Variants in MYO5A observed in about 807,000 individuals in gnomAD.
MYO5A encodes the protein myosin VA, also known as unconventional myosin-Va.
MYO5A carries 98 observed loss-of-function variants against 249.7 expected under a neutral mutation model. The ratio of observed to expected loss-of-function variants is 0.39; its 90% CI spans 0.33 to 0.46. MYO5A has a LOEUF of 0.46. Ranked by LOEUF, MYO5A falls within the 20% of genes least tolerant of loss-of-function variation. The probability of loss-of-function intolerance (pLI) is 0.98; values close to 1 mark genes in which losing one functional copy is unlikely to be tolerated. For missense variants in MYO5A, 1,696 were observed against 2,308.8 expected, an observed-to-expected ratio of 0.73 and a Z score of 5.44; for synonymous variants, 778 against 810.6, an observed-to-expected ratio of 0.96 and a Z score of 0.68.
intron 8 of MYO5A, 115 bp downstream of exon 8, chr15:52,407,177 T>A: frequency 1.3e-6 from 1 of 766,916 alleles, no homozygotes; most frequent in Non-Finnish European, 2.3e-6. Flanking sequence ...TGTGGAATAT[T>A]AAATCTTCTA....
chr15:52,416,393 CTAAT>C, intron 4 of MYO5A, 92 bp from the exon 5 acceptor site: 2 of 1,388,990 alleles, frequency 1.4e-6, no homozygotes, highest in Non-Finnish European at 2.0e-6. Flanking sequence ...AAGTAGGGGG[CTAAT>C]TAATGGATTT....
intron 38 of MYO5A, among the ~76,000 whole-genome samples, chr15:52,320,808 T>C (rs532338023): frequency 3.3e-5 from 5 of 152,126 alleles, no homozygotes; most frequent in Admixed American, 6.5e-5. Context: ...GGTCAGGAGA[T>C]TGAGACCATC....
intron 40 of MYO5A, among the ~76,000 whole-genome samples, chr15:52,314,885 T>C (rs1255051349): frequency 6.6e-6 from 1 of 152,226 alleles, no homozygotes; most frequent in Non-Finnish European, 1.5e-5. Flanking sequence ...AAACCTGTGC[T>C]GTCCAATACA....
Position 52,308,796 on chromosome 15 carries a change from G to T in MYO5A, c.*4900C>A, listed in dbSNP as rs1297694803. 1 of 152,742 alleles carries T rather than the reference G, an allele frequency of 6.5e-6. No homozygotes were observed. Among genetic ancestry groups the T allele is most frequent in the Non-Finnish European group, 1.5e-5 (1 of 68,116 alleles). 9.5% of individuals were successfully genotyped at this position (152,742 alleles called of 1,614,324 possible). On this transcript the variant is annotated 3_prime_UTR_variant, in exon 42 of 42. Transcript: ENST00000399233. Reference sequence around the variant, plus strand: ...GAAGAAAAGTTCTGGAGAACTTAAGGCAGCTCTAGAAGGGAAGGGAGCAAG... The same window carrying T: ...GAAGAAAAGTTCTGGAGAACTTAAGTCAGCTCTAGAAGGGAAGGGAGCAAG...
In MYO5A at chr15:52,397,344, G is replaced by A; in HGVS notation, c.1176C>T (p.Ser392=). 1 of 1,614,122 alleles carries A rather than the reference G, an allele frequency of 6.2e-7. No homozygotes were observed. The highest frequency in any genetic ancestry group is 8.5e-7 in the Non-Finnish European group (1 of 1,180,004). The change falls in exon 10 of 42, where the codon TCC becomes TCT. Residue 392 remains serine (S), a synonymous_variant. Coordinates refer to ENST00000399233, the MANE Select transcript of MYO5A (RefSeq NM_001382347.1). ...CGCGGGCATTCGTGGCCTGCAGCTT[G>A]GAGATGGGCTTGATGTATGTCTCTG... ...TATETYIKPI[S]KLQATNARDA... is the part of the protein sequence containing the mutation.
intron 1 of MYO5A, among the ~76,000 whole-genome samples, chr15:52,483,776 G>C (rs2076763161): frequency 1.3e-5 from 2 of 152,198 alleles, no homozygotes; most frequent in Non-Finnish European, 2.9e-5. Flanking sequence ...TTATGGCTAT[G>C]TCCACACCCT....
At chr15:52,346,075 T>G (rs1469282453) in intron 30 of MYO5A, among the ~76,000 whole-genome samples, 1 of 152,222 alleles carries the variant, frequency 6.6e-6, no homozygotes, top group Non-Finnish European at 1.5e-5. Flanking sequence ...CCTGAGCAGG[T>G]AGTTTTCTTC....
At chr15:52,500,900 T>C (rs190161238) in intron 1 of MYO5A, among the ~76,000 whole-genome samples, 88 of 152,156 alleles carry the variant, frequency 5.8e-4, no homozygotes, top group African/African-American at 2.1e-3. Context: ...TCTAAAAGCA[T>C]CAAACAATGC....
At chr15:52,400,571 C>G (rs1389166437) in intron 9 of MYO5A, among the ~76,000 whole-genome samples, 6 of 152,174 alleles carry the variant, frequency 3.9e-5, no homozygotes. Context: ...TCATTAGTCT[C>G]CTTTAACATG....
intron 24 of MYO5A, among the ~76,000 whole-genome samples, chr15:52,362,274 G>C (rs569950670): frequency 6.6e-6 from 1 of 152,162 alleles, no homozygotes; most frequent in South Asian, 2.1e-4. Flanking sequence ...TTCATATGAC[G>C]ACTCTGTTTA....
intron 20 of MYO5A, among the ~76,000 whole-genome samples, chr15:52,373,762 T>A (rs1169340125): frequency 6.6e-6 from 1 of 152,062 alleles, no homozygotes; most frequent in Non-Finnish European, 1.5e-5. Flanking sequence ...ACTAGTTTGG[T>A]GTATCTGAAA....
chr15:52,477,950 G>A (rs559050139), intron 1 of MYO5A, among the ~76,000 whole-genome samples: 71 of 152,318 alleles, frequency 4.7e-4, no homozygotes, highest in African/African-American at 1.6e-3. Context: ...GTCACACAGG[G>A]ACGTTTAAGT....
chr15:52,404,129 G>C (rs1220983532), intron 9 of MYO5A, among the ~76,000 whole-genome samples: 1 of 152,076 alleles, frequency 6.6e-6, no homozygotes, highest in African/African-American at 2.4e-5. Flanking sequence ...GCTGGGCATG[G>C]TGGTGTACAC....
At chr15:52,449,545 A>T (rs1407669954) in intron 1 of MYO5A, among the ~76,000 whole-genome samples, 9 of 152,102 alleles carry the variant, frequency 5.9e-5, no homozygotes, top group Admixed American at 5.9e-4. Flanking sequence ...TGACCCTGGC[A>T]GCCTACCTGG....
chr15:52,361,941 C>A lies in MYO5A; in HGVS notation c.3310-1860G>T, dbSNP rs146214809. On this transcript the variant is annotated intron_variant, in intron 24 of 41. Coordinates refer to ENST00000399233, the MANE Select transcript of MYO5A (RefSeq NM_001382347.1). Reference sequence around the variant, plus strand: ...TCAAGACTAACGACCCCATGATTGACATGCTGGTTTCCCTCCCCTCTCTGG... The same window carrying A: ...TCAAGACTAACGACCCCATGATTGAAATGCTGGTTTCCCTCCCCTCTCTGG... Among the ~76,000 whole-genome samples the A allele has an allele frequency of 4.4e-4, 67 of 152,290 alleles. 1 individual carries two copies. The East Asian group carries it at 7.1e-3, about 16-fold the overall frequency.
chr15:52,340,947 C>T (rs1452740329), intron 31 of MYO5A, among the ~76,000 whole-genome samples: 1 of 131,850 alleles, frequency 7.6e-6, no homozygotes, highest in Admixed American at 7.3e-5. Flanking sequence ...AGCAAAACTT[C>T]GTCTCAAAAA....
intron 1 of MYO5A, among the ~76,000 whole-genome samples, chr15:52,474,538 C>T (rs912969571): frequency 2.6e-5 from 4 of 152,108 alleles, no homozygotes; most frequent in African/African-American, 9.7e-5. Context: ...TCATAAATAG[C>T]TCTTATTATT....
chr15:52,405,202 C>T lies in MYO5A; in HGVS notation c.1053+85G>A, dbSNP rs1021597084. On this transcript the variant is annotated intron_variant, in intron 9 of 41. Coordinates refer to ENST00000399233, the MANE Select transcript of MYO5A (RefSeq NM_001382347.1). ...GTTTCTGATAATATTGATAGAGAGA[C>T]TTAAACTATATTGCTTCTTTAAACA... The T allele has an allele frequency of 4.1e-6, 4 of 968,488 alleles. No individual in the cohort carries two copies. In the Admixed American group the frequency reaches 7.5e-5, roughly 18 times the overall value. 60.0% of individuals were successfully genotyped at this position (968,488 alleles called of 1,614,324 possible).
Position 52,379,925 on chromosome 15 carries a change from A to T in MYO5A, c.2013-17T>A, listed in dbSNP as rs367812589. 5 of 1,613,394 alleles carry T rather than the reference A, an allele frequency of 3.1e-6. No individual in the cohort carries two copies. In the African/African-American group the frequency reaches 5.3e-5, roughly 17 times the overall value. On this transcript the variant is annotated splice_polypyrimidine_tract_variant and intron_variant, in intron 16 of 41. Coordinates refer to ENST00000399233, the MANE Select transcript of MYO5A (RefSeq NM_001382347.1). ...TCATCAAACCTACAAATAAAAATCA[A>T]AGCTGTTAGTCCACAAAGAACCTGG...
Sources: gnomAD v4.1 joint callset for allele counts (sites outside exome capture counted in the v4.1 genomes callset) on GRCh38, gnomAD v4.1.1 for gene constraint, MANE v1.5 for transcripts, NCBI Gene and HGNC (gene_info 2026-07-23, HGNC 2026-07-21) for gene names.